The following PDE4D variants were observed in gnomAD, a reference collection of about 807,000 sequenced individuals.
The protein encoded by PDE4D is 3',5'-cyclic-AMP phosphodiesterase 4D.
PDE4D carries 24 observed loss-of-function variants against 87.4 expected under a neutral mutation model. That is an observed-to-expected ratio of 0.27 (90% CI 0.20 to 0.39). The LOEUF is 0.39. Among genes scored for constraint, PDE4D ranks in the 10% least tolerant of loss-of-function variants. The pLI, the probability that PDE4D is intolerant of heterozygous loss-of-function variation, is 1.00. For synonymous variants in PDE4D, 384 were observed against 383.2 expected (o/e 1.00, Z -0.02); for missense variants, 714 against 1,041.0 (o/e 0.69, Z 4.32).
chr5:58,998,259 T>C (rs142010759), intron 6 of PDE4D, among the ~76,000 whole-genome samples: 98 of 152,284 alleles, frequency 6.4e-4, no homozygotes, highest in African/African-American at 2.3e-3. Flanking sequence ...AAATTCTATA[T>C]GTAGATTCTT....
chr5:60,042,704 G>A (rs1430660774), intron 2 of PDE4D, among the ~76,000 whole-genome samples: 1 of 152,172 alleles, frequency 6.6e-6, no homozygotes, highest in Non-Finnish European at 1.5e-5. Context: ...CAGCAGAGAG[G>A]CCTGACTGTT....
At chr5:59,680,842 C>T (rs772935860) in intron 1 of PDE4D, among the ~76,000 whole-genome samples, 44 of 151,750 alleles carry the variant, frequency 2.9e-4, no homozygotes, top group Admixed American at 1.3e-3. Flanking sequence ...GTTACAGATA[C>T]GAAAATGGAG....
At chr5:59,319,295 T>G (rs1001775647) in intron 1 of PDE4D, among the ~76,000 whole-genome samples, 3 of 152,106 alleles carry the variant, frequency 2.0e-5, no homozygotes, top group African/African-American at 4.8e-5. Context: ...AAACTCTGAA[T>G]ATTTGAATTC....
At chr5:60,315,614 T>C (rs1755500449) in intron 1 of PDE4D, among the ~76,000 whole-genome samples, 1 of 152,190 alleles carries the variant, frequency 6.6e-6, no homozygotes, top group African/African-American at 2.4e-5. Context: ...GTTTTTATGG[T>C]TTTAGGTCTA....
chr5:59,586,799 TAAA>T, intron 1 of PDE4D: 1 of 985,416 alleles, frequency 1.0e-6, no homozygotes, highest in South Asian at 4.7e-5. Flanking sequence ...ATATCCTTGT[TAAA>T]GAAGTGTTAG....
rs572940854 is a variant in PDE4D, at chr5:59,618,355, A to T, written c.455+274813T>A. On this transcript the variant is annotated intron_variant, in intron 1 of 14. Transcript: ENST00000340635. ...AGAGGAAGAGGGTGTTCTAGGCAAA[A>T]ACAGCAAAGAAACAAAGGCTCAGAG... Among the ~76,000 whole-genome samples the T allele has an allele frequency of 3.9e-5, 6 of 152,276 alleles. No individual in the cohort carries two copies. The East Asian group carries it at 7.7e-4, about 20-fold the overall frequency.
intron 1 of PDE4D, among the ~76,000 whole-genome samples, chr5:59,642,358 T>C (rs912135885): frequency 3.9e-5 from 6 of 152,214 alleles, no homozygotes; most frequent in African/African-American, 1.4e-4. Context: ...TATAGTTTTC[T>C]ATGTCCCTCT....
chr5:60,324,720 G>C lies in PDE4D; in HGVS notation c.-89-139033C>G, dbSNP rs376597351. 5.7e-4 allele frequency among the ~76,000 whole-genome samples: 87 copies of C among 152,336 alleles called. 1 individual carries two copies. Among genetic ancestry groups the C allele is most frequent in the African/African-American group, 2.1e-3 (86 of 41,576 alleles). On this transcript the variant is annotated intron_variant, in intron 1 of 16. Transcript: ENST00000502484. Reference sequence around the variant, plus strand: ...CTTTCTGAACTCAAATTCTGGTTCTGTCACATACATGACCAGGGACAAATT... The same window carrying C: ...CTTTCTGAACTCAAATTCTGGTTCTCTCACATACATGACCAGGGACAAATT...
intron 1 of PDE4D, among the ~76,000 whole-genome samples, chr5:59,818,981 C>T (rs1307807855): frequency 6.6e-6 from 1 of 151,972 alleles, no homozygotes; most frequent in East Asian, 1.9e-4. Context: ...CTGTGGTCCC[C>T]AATGTTGACA....
At chr5:59,208,622 A>G (rs1339302253) in intron 2 of PDE4D, among the ~76,000 whole-genome samples, 1 of 142,784 alleles carries the variant, frequency 7.0e-6, no homozygotes, top group East Asian at 2.9e-4. Context: ...TTTCATTTTT[A>G]TGATTTTTTT....
chr5:59,200,857 C>T (rs1448720778), intron 2 of PDE4D, among the ~76,000 whole-genome samples: 1 of 151,806 alleles, frequency 6.6e-6, no homozygotes, highest in African/African-American at 2.4e-5. Context: ...TGTATGTGAG[C>T]ACATGTATGC....
At chr5:59,560,719 G>C (rs961445148) in intron 1 of PDE4D, 1 of 152,284 alleles carries the variant, frequency 6.6e-6, no homozygotes, top group African/African-American at 2.4e-5. Flanking sequence ...AATCCCAGCA[G>C]ATAAAGCAAA....
chr5:59,318,453 G>A (rs1774136758), intron 1 of PDE4D, among the ~76,000 whole-genome samples: 1 of 151,966 alleles, frequency 6.6e-6, no homozygotes, highest in Non-Finnish European at 1.5e-5. Context: ...CAATCTCCTT[G>A]ATTTTTAAAA....
intron 5 of PDE4D, among the ~76,000 whole-genome samples, chr5:59,127,272 C>G (rs1027381505): frequency 8.5e-5 from 13 of 152,210 alleles, no homozygotes; most frequent in Admixed American, 8.5e-4. Context: ...ATCTCTTCAT[C>G]AACACACATT....
chr5:59,762,036 G>A (rs1580950593), intron 1 of PDE4D, among the ~76,000 whole-genome samples: 1 of 152,052 alleles, frequency 6.6e-6, no homozygotes, highest in Non-Finnish European at 1.5e-5. Context: ...CAAATATGCA[G>A]TCCACCATTG....
In PDE4D at chr5:59,854,262, AT is replaced by A. The variant is rs577246428; in HGVS notation, c.455+38905del. On this transcript the variant is annotated intron_variant, in intron 1 of 14. Transcript: ENST00000340635. ...ATGTCTTTTATGAGTAGTAAAACTA[AT>A]TTTTTCATGTTATCTTGACATTTTT... Among the ~76,000 whole-genome samples, 24 of 150,110 alleles carry A rather than the reference AT, an allele frequency of 1.6e-4. No individual in the cohort carries two copies. In the South Asian group the frequency reaches 4.6e-3, roughly 29 times the overall value.
intron 1 of PDE4D, among the ~76,000 whole-genome samples, chr5:59,876,343 T>C (rs1440669581): frequency 1.3e-5 from 2 of 152,168 alleles, no homozygotes; most frequent in Non-Finnish European, 2.9e-5. Context: ...ATGACAATAA[T>C]CTACTGAACA....
intron 1 of PDE4D, among the ~76,000 whole-genome samples, chr5:59,727,383 G>A (rs1399969791): frequency 1.3e-5 from 2 of 152,004 alleles, no homozygotes; most frequent in Non-Finnish European, 2.9e-5. Flanking sequence ...ACGCCTCAGG[G>A]AAAATAAAAT....
intron 1 of PDE4D, among the ~76,000 whole-genome samples, chr5:60,293,871 G>A (rs1284275161): frequency 1.3e-5 from 2 of 151,974 alleles, no homozygotes; most frequent in African/African-American, 4.8e-5. Context: ...ATGAATATGT[G>A]GGTTTATGAA....
Sources: allele counts gnomAD v4.1 joint callset (sites outside exome capture counted in the v4.1 genomes callset), GRCh38; gene constraint gnomAD v4.1.1; transcripts MANE v1.5; gene names NCBI Gene and HGNC (gene_info 2026-07-23, HGNC 2026-07-21).